Variants in CD96 observed in about 807,000 individuals in gnomAD.
The protein encoded by CD96 is T-cell surface protein tactile.
Under a neutral mutation model 71.3 loss-of-function variants are expected in CD96, and 70 were observed. That is an observed-to-expected ratio of 0.98 (90% confidence interval 0.81 to 1.20). The LOEUF (loss-of-function observed/expected upper bound fraction) is 1.20, where lower values mean the gene tolerates loss of function less well. CD96 is among the 50% of genes most tolerant of loss of function. CD96 has a pLI of 0.00. For missense variants in CD96, 742 were observed against 677.5 expected (o/e 1.10, Z -1.06); for synonymous variants, 248 against 233.0 (o/e 1.06, Z -0.59).
intron 8 of CD96, among the ~76,000 whole-genome samples, chr3:111,620,061 G>T (rs370891630): frequency 2.5e-4 from 38 of 152,346 alleles, no homozygotes; most frequent in African/African-American, 8.4e-4. Context: ...TCCATGACAT[G>T]TGAGACCACA....
chr3:111,644,962 A>C (rs751563914), intron 12 of CD96, among the ~76,000 whole-genome samples: 1 of 152,210 alleles, frequency 6.6e-6, no homozygotes, highest in Non-Finnish European at 1.5e-5. Context: ...AAGATTCCTT[A>C]AAGAACTAAA....
intron 7 of CD96, among the ~76,000 whole-genome samples, chr3:111,602,088 G>A (rs1458780394): frequency 6.6e-6 from 1 of 152,172 alleles, no homozygotes; most frequent in Admixed American, 6.5e-5. Context: ...TCAGGAATAA[G>A]TCAGCTCCTT....
chr3:111,636,293 A>C (rs1939324774), intron 10 of CD96, among the ~76,000 whole-genome samples: 1 of 152,246 alleles, frequency 6.6e-6, no homozygotes, highest in Non-Finnish European at 1.5e-5. Context: ...TCTAAGAAGA[A>C]ACAAGGAAAG....
chr3:111,585,373 G>T lies in CD96; in HGVS notation c.802G>T (p.Val268Leu). The T allele has an allele frequency of 1.9e-6, 3 of 1,599,326 alleles. No homozygotes were observed. Among genetic ancestry groups the T allele is most frequent in the Non-Finnish European group, 2.6e-6 (3 of 1,166,766 alleles). Reference sequence around the variant, plus strand: ...GGAAAATAACTCCACGGATGTCTTGGTAGAGGTGAGTCACATAAAAGCCTT... The same window carrying T: ...GGAAAATAACTCCACGGATGTCTTGTTAGAGGTGAGTCACATAAAAGCCTT... ...IVENNSTDVL[V>L]ERRFTCLLKN... Residue 268 changes from valine to leucine, a missense_variant, in exon 5 of 14, where the codon GTA (valine) becomes TTA (leucine). Transcript: ENST00000352690.
At chr3:111,643,735 C>A (rs370105582) in intron 12 of CD96, among the ~76,000 whole-genome samples, 330 of 128,038 alleles carry the variant, frequency 2.6e-3, no homozygotes, top group Middle Eastern at 4.0e-3. Context: ...ACAATAGCTG[C>A]AAAAAAAAAA....
At chr3:111,583,293 G>A (rs544488706) in intron 4 of CD96, among the ~76,000 whole-genome samples, 10 of 152,290 alleles carry the variant, frequency 6.6e-5, no homozygotes, top group East Asian at 3.9e-4. Flanking sequence ...AGGCAGTTCT[G>A]TCCCTGTGGC....
intron 10 of CD96, among the ~76,000 whole-genome samples, chr3:111,636,119 A>G (rs367933360): frequency 2.6e-5 from 4 of 152,216 alleles, no homozygotes; most frequent in African/African-American, 9.6e-5. Context: ...CTGAACTCAG[A>G]CTGAAAAAAA....
chr3:111,548,435 T>C (rs1040898286), intron 2 of CD96, among the ~76,000 whole-genome samples: 1 of 152,184 alleles, frequency 6.6e-6, no homozygotes, highest in Non-Finnish European at 1.5e-5. Context: ...TTGCCTCTTT[T>C]TCGCTTTCAC....
chr3:111,664,264 G>A (rs566134354), intron 14 of CD96, among the ~76,000 whole-genome samples: 1 of 152,218 alleles, frequency 6.6e-6, no homozygotes, highest in Admixed American at 6.5e-5. Context: ...CAACCCAGTT[G>A]TCCATCATTT....
intron 5 of CD96, among the ~76,000 whole-genome samples, chr3:111,591,426 G>A (rs576051728): frequency 1.3e-5 from 2 of 149,092 alleles, no homozygotes; most frequent in Non-Finnish European, 3.0e-5. Context: ...ACACTGGTTG[G>A]CATCAGCAGA....
In CD96 at chr3:111,638,173, G is replaced by T. The variant is rs748780722; in HGVS notation, c.1477+5G>T. 58 of 1,537,256 alleles carry T rather than the reference G, an allele frequency of 3.8e-5. No individual in the cohort carries two copies. The highest frequency in any genetic ancestry group is 5.1e-5 in the Non-Finnish European group (57 of 1,110,014). On this transcript the variant is annotated splice_donor_5th_base_variant and intron_variant, in intron 12 of 13. Coordinates refer to ENST00000352690, the MANE Select transcript of CD96 (RefSeq NM_005816.5). ...CTAATCACGTCCATATCACTGGTAA[G>T]TCATTTATCCTATTTTGGGGGATTT...
intron 5 of CD96, 134 bp from the exon 6 acceptor site, chr3:111,597,986 A>G (rs1210988350): frequency 2.9e-6 from 2 of 686,464 alleles, no homozygotes; most frequent in South Asian, 1.6e-5. Flanking sequence ...TATTAAAAGT[A>G]GACATTGCCT....
At chr3:111,582,354 G>T (rs535190454) in intron 4 of CD96, among the ~76,000 whole-genome samples, 1 of 152,286 alleles carries the variant, frequency 6.6e-6, no homozygotes, top group East Asian at 1.9e-4. Flanking sequence ...TGTTCAACAC[G>T]ATGTACTTAA....
In CD96 at chr3:111,658,331, A is replaced by G. The variant is rs28751967; in HGVS notation, c.*53-7196A>G. ...CTTACCAGTAGTAAGTGATAGCTAT[A>G]TAGATAGGTAGATAGGTAGTCAGAG... is the stretch of plus-strand genomic sequence containing the variant. On this transcript the variant is annotated intron_variant and NMD_transcript_variant, in intron 14 of 14. Coordinates refer to the CD96 transcript ENST00000494798. Among the ~76,000 whole-genome samples, 354 of 152,310 alleles carry G rather than the reference A, an allele frequency of 2.3e-3. 1 individual carries two copies. The highest frequency in any genetic ancestry group is 8.0e-3 in the African/African-American group (332 of 41,578).
chr3:111,600,234 T>A (rs1454017125), intron 6 of CD96, among the ~76,000 whole-genome samples: 1 of 152,178 alleles, frequency 6.6e-6, no homozygotes, highest in Non-Finnish European at 1.5e-5. Flanking sequence ...CTCGCTCAGA[T>A]CAGAGACTAC....
chr3:111,546,911 C>G lies in CD96; in HGVS notation c.418+1509C>G, dbSNP rs1426975109. 5.6e-5 allele frequency among the ~76,000 whole-genome samples: 8 copies of G among 143,196 alleles called. No individual in the cohort carries two copies. In the South Asian group the frequency reaches 6.6e-4, roughly 12 times the overall value. The allele number at this position is 143,196 out of a possible 152,430, so 93.9% of individuals were successfully genotyped here. ...AAAACACACCACACACACACACACA[C>G]AGACACATACACACACACACACACA... On this transcript the variant is annotated intron_variant, in intron 2 of 13. Transcript: ENST00000352690.
At chr3:111,664,372 T>A (rs1940431884) in intron 14 of CD96, among the ~76,000 whole-genome samples, 1 of 152,114 alleles carries the variant, frequency 6.6e-6, no homozygotes, top group African/African-American at 2.4e-5. Flanking sequence ...GTGGATGTAG[T>A]TTGAGGCCAA....
At chr3:111,640,070 C>T (rs1180110508) in intron 12 of CD96, among the ~76,000 whole-genome samples, 1 of 152,162 alleles carries the variant, frequency 6.6e-6, no homozygotes, top group African/African-American at 2.4e-5. Flanking sequence ...CAAAACAAGG[C>T]TCTTCAACAC....
chr3:111,594,002 C>T (rs370143176), intron 5 of CD96: 305 of 1,614,170 alleles, frequency 1.9e-4, no homozygotes, highest in Non-Finnish European at 2.2e-4. Flanking sequence ...GTGCCCAGCA[C>T]GAGCAGGAGC....
Sources: allele counts gnomAD v4.1 joint callset (sites outside exome capture counted in the v4.1 genomes callset), GRCh38; gene constraint gnomAD v4.1.1; transcripts MANE v1.5; gene names NCBI Gene and HGNC (gene_info 2026-07-23, HGNC 2026-07-21).